DPP6: variants seen among roughly 807,000 people sequenced by gnomAD.
The protein encoded by DPP6 is dipeptidyl peptidase like 6.
In DPP6, 69 loss-of-function variants were observed where a neutral mutation model predicts 122.6. The ratio of observed to expected loss-of-function variants is 0.56; its 90% CI spans 0.46 to 0.69. The LOEUF (loss-of-function observed/expected upper bound fraction) is 0.69, where lower values mean the gene tolerates loss of function less well. DPP6 is among the 30% of genes least tolerant of loss of function. DPP6 has a pLI of 0.00. For missense variants in DPP6, 928 were observed against 1,116.9 expected, an observed-to-expected ratio of 0.83 and a Z score of 2.41; for synonymous variants, 418 against 433.1, an observed-to-expected ratio of 0.97 and a Z score of 0.43.
chr7:154,195,768 C>T (rs1265445170), intron 1 of DPP6, among the ~76,000 whole-genome samples: 1 of 152,108 alleles, frequency 6.6e-6, no homozygotes, highest in Non-Finnish European at 1.5e-5. Context: ...TATGCCACTC[C>T]TTTGAAAATT....
At chr7:154,321,365 C>T (rs894544349) in intron 1 of DPP6, among the ~76,000 whole-genome samples, 3 of 152,010 alleles carry the variant, frequency 2.0e-5, no homozygotes, top group Admixed American at 2.0e-4. Context: ...AACACTGGGT[C>T]TGGGGTGCAG....
At chr7:154,400,684 AC>A (rs1332385245) in intron 1 of DPP6, among the ~76,000 whole-genome samples, 1 of 152,240 alleles carries the variant, frequency 6.6e-6, no homozygotes, top group Non-Finnish European at 1.5e-5. Context: ...ACATACACAT[AC>A]AAAATACACC....
intron 18 of DPP6, among the ~76,000 whole-genome samples, chr7:154,871,706 C>T (rs58644865): frequency 6.6e-6 from 1 of 152,288 alleles, no homozygotes; most frequent in South Asian, 2.1e-4. Flanking sequence ...ACATTCAGCC[C>T]GAATCAGTAA....
At chr7:154,002,245 A>G (rs1018631127) in intron 1 of DPP6, among the ~76,000 whole-genome samples, 1 of 151,842 alleles carries the variant, frequency 6.6e-6, no homozygotes, top group African/African-American at 2.4e-5. Context: ...CCTACGGACA[A>G]TGAGCCTTGA....
intron 1 of DPP6, among the ~76,000 whole-genome samples, chr7:154,060,037 G>A (rs879887927): frequency 0.12 from 14,313 of 123,398 alleles, no homozygotes; most frequent in Admixed American, 0.2. Context: ...CCCGCGAGGC[G>A]GGGACTCAGA....
intron 18 of DPP6, 115 bp from the exon 19 acceptor site, chr7:154,872,509 C>G: frequency 1.0e-4 from 147 of 1,420,706 alleles, no homozygotes; most frequent in Middle Eastern, 2.0e-4. Context: ...TGTCTGTGGG[C>G]TTCCCCTCAG....
chr7:154,350,036 TG>T (rs1810717546), intron 1 of DPP6, among the ~76,000 whole-genome samples: 1 of 152,142 alleles, frequency 6.6e-6, no homozygotes, highest in African/African-American at 2.4e-5. Flanking sequence ...CAGGCAGACC[TG>T]GGGGGTGATG....
At chr7:154,453,080 C>G (rs1025189371) in intron 2 of DPP6, among the ~76,000 whole-genome samples, 8 of 152,128 alleles carry the variant, frequency 5.3e-5, no homozygotes, top group African/African-American at 1.9e-4. Context: ...GCTACAGTTC[C>G]CGCATTCTGA....
At chr7:154,246,526 T>C (rs73726197) in intron 1 of DPP6, among the ~76,000 whole-genome samples, 6,402 of 152,198 alleles carry the variant, frequency 0.042, 427 homozygotes, top group African/African-American at 0.14. Flanking sequence ...TGGTAGAAAT[T>C]GACAAGCAGA....
At chr7:154,546,148 T>C (rs1357320274) in intron 4 of DPP6, among the ~76,000 whole-genome samples, 3 of 151,972 alleles carry the variant, frequency 2.0e-5, no homozygotes, top group African/African-American at 7.3e-5. Context: ...ATTAAAATAA[T>C]AGCTATGAAG....
intron 8 of DPP6, among the ~76,000 whole-genome samples, chr7:154,732,309 C>A (rs998342402): frequency 6.6e-6 from 1 of 152,084 alleles, no homozygotes; most frequent in Non-Finnish European, 1.5e-5. Context: ...TATAGTGGGA[C>A]AGCACAGAAT....
intron 1 of DPP6, among the ~76,000 whole-genome samples, chr7:154,015,041 G>A (rs376836319): frequency 9.9e-5 from 15 of 152,068 alleles, no homozygotes; most frequent in South Asian, 4.2e-4. Flanking sequence ...TCTCATTGAC[G>A]TACTTGCTTT....
chr7:153,895,421 T>C (rs1343921743), intron 1 of DPP6, among the ~76,000 whole-genome samples: 1 of 152,192 alleles, frequency 6.6e-6, no homozygotes, highest in Non-Finnish European at 1.5e-5. Context: ...CCTCTCCCAG[T>C]TAAGGGTAGC....
chr7:154,405,246 C>A (rs1436985255), intron 1 of DPP6, among the ~76,000 whole-genome samples: 1 of 152,134 alleles, frequency 6.6e-6, no homozygotes, highest in Non-Finnish European at 1.5e-5. Flanking sequence ...TCCTCCAGAT[C>A]TTCAGGTCCA....
At chr7:154,841,349 C>A (rs1327898089) in intron 16 of DPP6, among the ~76,000 whole-genome samples, 9 of 149,572 alleles carry the variant, frequency 6.0e-5, no homozygotes, top group African/African-American at 2.2e-4. Context: ...AGCCTTTGCC[C>A]CCCTGTAGCC....
At chr7:154,243,500 G>T (rs758270719) in intron 1 of DPP6, among the ~76,000 whole-genome samples, 4 of 152,140 alleles carry the variant, frequency 2.6e-5, no homozygotes, top group Non-Finnish European at 4.4e-5. Flanking sequence ...TAATAGTTAA[G>T]AATGGCAGAA....
At chr7:154,786,556 C>T (rs958713707) in intron 10 of DPP6, among the ~76,000 whole-genome samples, 13 of 152,272 alleles carry the variant, frequency 8.5e-5, no homozygotes, top group Admixed American at 3.3e-4. Context: ...CTTCTCCTTG[C>T]CACCATATGA....
At chr7:153,877,973 A>C in the DPP6 span, among the ~76,000 whole-genome samples, 14 of 152,242 alleles carry the variant, frequency 9.2e-5, no homozygotes, top group Admixed American at 3.9e-4. Flanking sequence ...CACGCACGTC[A>C]CAAAAGAAAA....
intron 6 of DPP6, among the ~76,000 whole-genome samples, chr7:154,660,282 G>A (rs61589586): frequency 0.2 from 3,602 of 17,868 alleles, 532 homozygotes; most frequent in African/African-American, 0.27. Flanking sequence ...TAGTGTTCAC[G>A]CAGTCATGGT....
Sources: allele counts gnomAD v4.1 joint callset (sites outside exome capture counted in the v4.1 genomes callset), GRCh38; gene constraint gnomAD v4.1.1; transcripts MANE v1.5; gene names NCBI Gene and HGNC (gene_info 2026-07-23, HGNC 2026-07-21).